Variants in FSD2 observed in about 807,000 individuals in gnomAD.
The protein encoded by FSD2 is fibronectin type III and SPRY domain-containing protein 2.
In FSD2, 71 loss-of-function variants were observed where a neutral mutation model predicts 80.4. The ratio of observed to expected loss-of-function variants is 0.88; its 90% CI spans 0.73 to 1.08. The LOEUF (loss-of-function observed/expected upper bound fraction) is 1.08. Ranked by LOEUF, FSD2 falls within the 50% of genes least tolerant of loss-of-function variation. The pLI is 0.00. For synonymous variants in FSD2, 361 were observed against 329.5 expected (o/e 1.10, Z -1.03); for missense variants, 923 against 913.8 (o/e 1.01, Z -0.13).
In FSD2 at chr15:82,764,957, G is replaced by A. The variant is rs538427810; in HGVS notation, c.1820+209C>T. ...GACCGCGCCCTCTCCTGACCTCACC[G>A]TCCCAGGGGGCTCTTCTGCCTGCAC... On this transcript the variant is annotated intron_variant, in intron 11 of 12. Transcript: ENST00000334574. Among the ~76,000 whole-genome samples, 325 of 151,974 alleles carry A rather than the reference G, an allele frequency of 2.1e-3. 6 individuals are homozygous for A. The highest frequency in any genetic ancestry group is 7.4e-4 in the Non-Finnish European group (50 of 67,962).
At chr15:82,794,123 A>G (rs1180841400) in intron 1 of FSD2, among the ~76,000 whole-genome samples, 1 of 152,020 alleles carries the variant, frequency 6.6e-6, no homozygotes, top group African/African-American at 2.4e-5. Context: ...ATTTATAGCT[A>G]TAAATTTTCC....
rs576326238 is a variant in FSD2, at chr15:82,757,296, C to T, written c.*2052G>A. 4 of 151,388 alleles carry T rather than the reference C, an allele frequency of 2.6e-5. No homozygotes were observed. Among genetic ancestry groups the T allele is most frequent in the Admixed American group, 2.0e-4 (3 of 15,212 alleles). The allele number at this position is 151,388 out of a possible 1,614,324, so 9.4% of individuals were successfully genotyped here. A position where few individuals can be genotyped will look rare whatever the true frequency, so the allele number is the denominator to read the frequency against. The stretch of plus-strand genomic sequence containing the variant: ...ATTAGAACCCTGAATTCAAACTTGC[C>T]TTCTCTGTGATATCCTGTTTCTTAC... On this transcript the variant is annotated 3_prime_UTR_variant, in exon 13 of 13. Transcript: ENST00000334574.
chr15:82,761,637 GTCT>G (rs1365533729), intron 12 of FSD2, among the ~76,000 whole-genome samples: 7 of 151,122 alleles, frequency 4.6e-5, no homozygotes, highest in Non-Finnish European at 7.4e-5. Flanking sequence ...GTGAGGTGTG[GTCT>G]TCTTATTTTT....
intron 6 of FSD2, among the ~76,000 whole-genome samples, chr15:82,778,101 T>A (rs1159255744): frequency 1.8e-5 from 2 of 108,440 alleles, no homozygotes; most frequent in Admixed American, 1.1e-4. Context: ...CAATACCCTG[T>A]CTCTGAAAAA....
At chr15:82,766,744 A>C (rs1342183394) in intron 9 of FSD2, among the ~76,000 whole-genome samples, 1 of 152,068 alleles carries the variant, frequency 6.6e-6, no homozygotes, top group East Asian at 1.9e-4. Context: ...GTCTCAAAAA[A>C]AAAAAAAAAA....
rs2050020228 is a variant in FSD2, at chr15:82,787,120, C to A, written c.271G>T (p.Val91Phe). Residue 91 changes from valine to phenylalanine, a missense_variant, in exon 2 of 13, where the codon GTT becomes TTT. Physicochemically the swap from Val to Phe is conservative, Grantham distance 50. Coordinates refer to ENST00000334574, the MANE Select transcript of FSD2 (RefSeq NM_001007122.4). ...CCTGTTCTGGGTATGTTTTCATCAA[C>A]AAACTCATCCCCTAATTCATGATCA... The part of the protein sequence containing the change: ...EDDHELGDEF[V>F]DENIPRTGVS... 6.2e-7 allele frequency: 1 copy of A among 1,614,038 alleles called. No homozygotes were observed. Among genetic ancestry groups the A allele is most frequent in the Non-Finnish European group, 8.5e-7 (1 of 1,179,908 alleles).
chr15:82,778,148 A>ATATATATATATAT (rs1339356194), intron 6 of FSD2, among the ~76,000 whole-genome samples: 132 of 138,290 alleles, frequency 9.5e-4, no homozygotes, highest in Non-Finnish European at 1.9e-3. Flanking sequence ...ATATATATAT[A>ATATATATATATAT]TATATATATA....
chr15:82,769,817 T>A lies in FSD2; in HGVS notation c.1335A>T (p.Glu445Asp). The A allele has an allele frequency of 6.2e-7, 1 of 1,613,934 alleles. No individual in the cohort carries two copies. The highest frequency in any genetic ancestry group is 8.5e-7 in the Non-Finnish European group (1 of 1,179,878). ...CCCTGTTGTGAGCTGTGACCCAAAATTCATACTGGGTATTTGGCACAAGGT... is the reference window on the plus strand; with the variant it reads ...CCCTGTTGTGAGCTGTGACCCAAAAATCATACTGGGTATTTGGCACAAGGT... ...VTNLVPNTQY[E>D]FWVTAHNRAG... is the part of the protein sequence containing the mutation. The change falls in exon 8 of 13, where the codon GAA (glutamate) becomes GAT (aspartate). Residue 445 changes from glutamate to aspartate, a missense_variant. By Grantham distance (45) the Glu-to-Asp change is conservative. Transcript: ENST00000334574.
intron 1 of FSD2, among the ~76,000 whole-genome samples, chr15:82,790,159 G>C (rs941043827): frequency 2.0e-5 from 3 of 151,296 alleles, no homozygotes; most frequent in Non-Finnish European, 4.4e-5. Context: ...CTGGACAACA[G>C]AGCGAGACTC....
chr15:82,795,097 T>C (rs185936909), intron 1 of FSD2, among the ~76,000 whole-genome samples: 41 of 152,344 alleles, frequency 2.7e-4, no homozygotes, highest in African/African-American at 9.9e-4. Context: ...ATCCATTTTT[T>C]CGGATGTCAG....
chr15:82,795,538 A>G (rs1333211697), intron 1 of FSD2, among the ~76,000 whole-genome samples: 2 of 152,220 alleles, frequency 1.3e-5, no homozygotes, highest in Admixed American at 6.5e-5. Flanking sequence ...TTCACTCTAA[A>G]GGAGTATTAG....
At chr15:82,775,099 A>C (rs2049683415) in intron 6 of FSD2, among the ~76,000 whole-genome samples, 1 of 151,660 alleles carries the variant, frequency 6.6e-6, no homozygotes, top group African/African-American at 2.4e-5. Flanking sequence ...GGTTTTCTAC[A>C]ATAAAATCAT....
chr15:82,765,779 T>C (rs190979040), intron 10 of FSD2, 119 bp downstream of exon 10: 2 of 1,309,146 alleles, frequency 1.5e-6, no homozygotes, highest in Non-Finnish European at 2.0e-6. Context: ...CTGGCCTGAC[T>C]TGCCACGTGT....
intron 1 of FSD2, among the ~76,000 whole-genome samples, chr15:82,793,025 C>T (rs961929170): frequency 1.3e-5 from 2 of 152,102 alleles, no homozygotes; most frequent in East Asian, 3.8e-4. Flanking sequence ...ATGCTTGTTT[C>T]AACGTTTGGT....
chr15:82,791,995 G>A (rs1306461227), intron 1 of FSD2, among the ~76,000 whole-genome samples: 1 of 152,176 alleles, frequency 6.6e-6, no homozygotes, highest in African/African-American at 2.4e-5. Flanking sequence ...GTTGATTCGG[G>A]TGGCTTCCCA....
intron 11 of FSD2, among the ~76,000 whole-genome samples, chr15:82,762,504 C>T (rs893304157): frequency 4.6e-5 from 7 of 152,124 alleles, no homozygotes; most frequent in Non-Finnish European, 1.0e-4. Flanking sequence ...GGAGGAGGCA[C>T]TAAACCAACA....
intron 11 of FSD2, among the ~76,000 whole-genome samples, chr15:82,763,241 T>TA (rs2049332104): frequency 6.6e-6 from 1 of 152,178 alleles, no homozygotes; most frequent in African/African-American, 2.4e-5. Context: ...GAGGGGTACA[T>TA]ACTTCTCACA....
intron 4 of FSD2, 89 bp downstream of exon 4, chr15:82,782,706 C>T (rs1239702046): frequency 1.8e-6 from 2 of 1,113,272 alleles, no homozygotes; most frequent in East Asian, 4.7e-5. Context: ...AGAGGACAAC[C>T]TAGCTTACCT....
intron 6 of FSD2, among the ~76,000 whole-genome samples, chr15:82,778,143 TATATATATATATATA>T (rs1402330393): frequency 1.5e-5 from 2 of 136,746 alleles, no homozygotes; most frequent in African/African-American, 5.8e-5. Context: ...TATATATATA[TATATATATATATATA>T]ATAACTATTA....
Sources: gnomAD v4.1 joint callset for allele counts (sites outside exome capture counted in the v4.1 genomes callset) on GRCh38, gnomAD v4.1.1 for gene constraint, MANE v1.5 for transcripts, NCBI Gene and HGNC (gene_info 2026-07-23, HGNC 2026-07-21) for gene names.